PPM1A: variants seen among roughly 807,000 people sequenced by gnomAD.
The protein encoded by PPM1A is protein phosphatase 1A.
PPM1A carries 7 observed loss-of-function variants against 35.0 expected under a neutral mutation model. That is an observed-to-expected ratio of 0.20 (90% CI 0.11 to 0.38). The LOEUF (loss-of-function observed/expected upper bound fraction) is 0.38, where lower values mean the gene tolerates loss of function less well. Among genes scored for constraint, PPM1A ranks in the 10% least tolerant of loss-of-function variants. The probability of loss-of-function intolerance (pLI) is 1.00; values close to 1 mark genes in which losing one functional copy is unlikely to be tolerated. For missense variants in PPM1A, 239 were observed against 467.8 expected (o/e 0.51, Z 4.51); for synonymous variants, 153 against 167.3 (o/e 0.91, Z 0.66).
chr14:60,266,830 A>C (rs1032095811), intron 1 of PPM1A, among the ~76,000 whole-genome samples: 1 of 152,290 alleles, frequency 6.6e-6, no homozygotes, highest in African/African-American at 2.4e-5. Context: ...GGGAACAAAA[A>C]GGTCCAGTTG....
At chr14:60,248,383 G>A (rs1456251563), upstream of PPM1A, among the ~76,000 whole-genome samples, 1 of 152,252 alleles carries the variant, frequency 6.6e-6, no homozygotes, top group Non-Finnish European at 1.5e-5. Flanking sequence ...TATCTAACAT[G>A]TGCAAATAAA....
chr14:60,290,055 G>C (rs1180027017), intron 4 of PPM1A, 141 bp downstream of exon 4: 2 of 550,222 alleles, frequency 3.6e-6, no homozygotes, highest in Non-Finnish European at 6.2e-6. Context: ...TTTTTTTTTA[G>C]TATTAGAATA....
upstream of PPM1A, among the ~76,000 whole-genome samples, chr14:60,248,013 C>T (rs542746450): frequency 1.0e-3 from 152 of 152,112 alleles, no homozygotes; most frequent in Non-Finnish European, 1.8e-3. Context: ...TCTTTTCCTG[C>T]GAATGTGGTG....
chr14:60,275,877 C>T (rs141180846), intron 1 of PPM1A, among the ~76,000 whole-genome samples: 1 of 130,756 alleles, frequency 7.6e-6, no homozygotes, highest in African/African-American at 3.0e-5. Flanking sequence ...AGATTTGCTA[C>T]AGTTTTGTTA....
intron 5 of PPM1A, 61 bp downstream of exon 5, chr14:60,291,515 C>A: frequency 1.5e-6 from 2 of 1,366,718 alleles, no homozygotes; most frequent in South Asian, 1.4e-5. Context: ...GCATATCCTT[C>A]CTACCTGTTT....
At chr14:60,281,545 T>C (rs577010885) in intron 1 of PPM1A, among the ~76,000 whole-genome samples, 2 of 152,360 alleles carry the variant, frequency 1.3e-5, no homozygotes, top group South Asian at 4.1e-4. Context: ...CATTATTCCC[T>C]ACTACCTAAC....
chr14:60,248,574 G>A (rs1467618038), upstream of PPM1A: 1 of 152,600 alleles, frequency 6.6e-6, no homozygotes, highest in Non-Finnish European at 1.5e-5. Context: ...GGGGTCACTG[G>A]GAGAGGAAGG....
intron 1 of PPM1A, among the ~76,000 whole-genome samples, chr14:60,254,276 T>TAAGACTTA (rs11281135): frequency 1.3e-5 from 2 of 151,558 alleles, no homozygotes; most frequent in African/African-American, 4.9e-5. Flanking sequence ...GACTAAAAGT[T>TAAGACTTA]ATAGAAGAAA....
chr14:60,276,984 CA>C (rs1414965269), intron 1 of PPM1A: 1 of 1,016,232 alleles, frequency 9.8e-7, no homozygotes, highest in Non-Finnish European at 1.2e-6. Flanking sequence ...AATATTAATT[CA>C]GTCTTGTTTT....
intron 1 of PPM1A, among the ~76,000 whole-genome samples, chr14:60,264,292 G>A (rs940010379): frequency 5.9e-5 from 9 of 151,984 alleles, no homozygotes; most frequent in Non-Finnish European, 1.0e-4. Flanking sequence ...TGAGAAGTTC[G>A]ATCTCTGCCT....
chr14:60,286,812 T>C (rs914570290), intron 3 of PPM1A: 6 of 982,782 alleles, frequency 6.1e-6, no homozygotes, highest in Non-Finnish European at 7.2e-6. Context: ...TTGATAGTCA[T>C]ACATCTAGTA....
chr14:60,271,374 A>G (rs1029682759), intron 1 of PPM1A, among the ~76,000 whole-genome samples: 15 of 152,160 alleles, frequency 9.9e-5, no homozygotes, highest in Non-Finnish European at 1.6e-4. Flanking sequence ...TAGGATTAGG[A>G]CTGGTATCTT....
At chr14:60,274,726 G>A (rs984664050) in intron 1 of PPM1A, among the ~76,000 whole-genome samples, 1 of 104,762 alleles carries the variant, frequency 9.5e-6, no homozygotes, top group African/African-American at 4.4e-5. Context: ...GCCATTCATT[G>A]TCTCTATTGC....
At chr14:60,246,152 T>C (rs548652369), upstream of PPM1A, 5 of 1,097,818 alleles carry the variant, frequency 4.6e-6, no homozygotes, top group East Asian at 1.3e-4. Flanking sequence ...TATTCTCAAA[T>C]ACTAGCCTCC....
intron 1 of PPM1A, among the ~76,000 whole-genome samples, chr14:60,263,729 TTA>T (rs1884043570): frequency 6.6e-6 from 1 of 152,152 alleles, no homozygotes; most frequent in African/African-American, 2.4e-5. Flanking sequence ...GATAATTTTT[TTA>T]TAGTTTCTTA....
chr14:60,249,266 C>T lies in PPM1A; in HGVS notation c.-432C>T. 6 of 977,844 alleles carry T rather than the reference C, an allele frequency of 6.1e-6. No homozygotes were observed. Among genetic ancestry groups the T allele is most frequent in the Non-Finnish European group, 7.2e-6 (6 of 829,398 alleles). The allele number at this position is 977,844 out of a possible 1,614,324, so 60.6% of individuals were successfully genotyped here. On this transcript the variant is annotated 5_prime_UTR_variant, in exon 1 of 6. Transcript: ENST00000395076. The surrounding 1 kb of genome is among the most constrained non-coding windows in gnomAD (Gnocchi z 4.5). The stretch of plus-strand genomic sequence containing the variant: ...TGGCGGCGCTAGGGACGGGAGCGCG[C>T]GCGGGAGCTAGAGAGCAGTGGTCTC...
intron 1 of PPM1A, among the ~76,000 whole-genome samples, chr14:60,253,435 C>T (rs1358686099): frequency 6.6e-6 from 1 of 152,000 alleles, no homozygotes; most frequent in African/African-American, 2.4e-5. Flanking sequence ...AAATAACGTG[C>T]CAGGATCAGA....
At chr14:60,253,024 A>G (rs781651608) in intron 1 of PPM1A, among the ~76,000 whole-genome samples, 4 of 152,330 alleles carry the variant, frequency 2.6e-5, no homozygotes, top group Non-Finnish European at 5.9e-5. Flanking sequence ...TTTGTAAGGA[A>G]CTGAGGAAAG....
rs1885351084 is a variant in PPM1A, at chr14:60,273,064, T to G, written c.-20-9620T>G. On this transcript the variant is annotated intron_variant, in intron 1 of 5. Coordinates refer to ENST00000395076, the MANE Select transcript of PPM1A (RefSeq NM_021003.5). The surrounding 1 kb of genome is among the most constrained non-coding windows in gnomAD (Gnocchi z 4.3). ...TGAGGAACACTTTCTTCTCATTTCT[T>G]TGATGATAGCTTCTCTGTTTCTCCT... Among the ~76,000 whole-genome samples, 1 of 152,224 alleles carries G rather than the reference T, an allele frequency of 6.6e-6. No homozygotes were observed. The highest frequency in any genetic ancestry group is 1.5e-5 in the Non-Finnish European group (1 of 68,046).
Sources: allele counts gnomAD v4.1 joint callset (sites outside exome capture counted in the v4.1 genomes callset), GRCh38; gene constraint gnomAD v4.1.1; non-coding constraint Gnocchi (gnomAD v3.1); transcripts MANE v1.5; gene names NCBI Gene and HGNC (gene_info 2026-07-23, HGNC 2026-07-21).